RUNDC3B: variants seen among roughly 807,000 people sequenced by gnomAD.
RUNDC3B encodes the protein RUN domain-containing protein 3B.
In RUNDC3B, 33 loss-of-function variants were observed where a neutral mutation model predicts 58.4. The ratio of observed to expected loss-of-function variants is 0.56; its 90% confidence interval spans 0.43 to 0.75. The LOEUF is 0.75. RUNDC3B is among the 30% of genes least tolerant of loss of function. The pLI is 0.00. For missense variants in RUNDC3B, 501 were observed against 535.7 expected, an observed-to-expected ratio of 0.94 and a Z score of 0.64; for synonymous variants, 193 against 195.2, an observed-to-expected ratio of 0.99 and a Z score of 0.10.
At chr7:87,753,402 G>A (rs1409461222) in intron 6 of RUNDC3B, among the ~76,000 whole-genome samples, 1 of 151,934 alleles carries the variant, frequency 6.6e-6, no homozygotes, top group African/African-American at 2.4e-5. Context: ...ACTTGGTGCA[G>A]AGCTGAGTTC....
chr7:87,693,850 A>C (rs2130658254), intron 2 of RUNDC3B: 1 of 1,563,152 alleles, frequency 6.4e-7, no homozygotes, highest in Middle Eastern at 1.9e-4. Context: ...GGAACTGTAA[A>C]CATGATGGCA....
chr7:87,703,525 A>G (rs1332245802), intron 3 of RUNDC3B, among the ~76,000 whole-genome samples: 1 of 152,140 alleles, frequency 6.6e-6, no homozygotes, highest in Non-Finnish European at 1.5e-5. Context: ...CCCTCCTGCC[A>G]ATCTTCAACC....
At chr7:87,818,213 A>G (rs1837186092) in intron 10 of RUNDC3B, among the ~76,000 whole-genome samples, 1 of 152,172 alleles carries the variant, frequency 6.6e-6, no homozygotes, top group Admixed American at 6.5e-5. Context: ...TTTGATATCA[A>G]CAGGACAAGA....
At chr7:87,643,931 T>G (rs1328256724) in intron 1 of RUNDC3B, among the ~76,000 whole-genome samples, 1 of 151,978 alleles carries the variant, frequency 6.6e-6, no homozygotes, top group East Asian at 1.9e-4. Flanking sequence ...CCATCTCGGC[T>G]CACTGCAACC....
At chr7:87,731,306 C>A (rs974564141) in intron 4 of RUNDC3B, among the ~76,000 whole-genome samples, 1 of 151,998 alleles carries the variant, frequency 6.6e-6, no homozygotes, top group Non-Finnish European at 1.5e-5. Context: ...TAAATTAAGG[C>A]TTATCACAAT....
At chr7:87,786,397 A>C (rs1835219135) in intron 8 of RUNDC3B, among the ~76,000 whole-genome samples, 2 of 152,082 alleles carry the variant, frequency 1.3e-5, no homozygotes, top group South Asian at 4.1e-4. Context: ...GAAAAGAATT[A>C]TGTTTACATA....
intron 6 of RUNDC3B, among the ~76,000 whole-genome samples, chr7:87,756,916 C>A (rs1009995862): frequency 6.6e-6 from 1 of 152,002 alleles, no homozygotes; most frequent in Non-Finnish European, 1.5e-5. Flanking sequence ...CCTCCAATCC[C>A]CAGACCATGA....
chr7:87,798,127 A>C (rs867077812), intron 8 of RUNDC3B, among the ~76,000 whole-genome samples: 2 of 152,142 alleles, frequency 1.3e-5, no homozygotes, highest in South Asian at 2.1e-4. Context: ...GGCAAGCCTC[A>C]ACCCCAGCAT....
intron 4 of RUNDC3B, among the ~76,000 whole-genome samples, chr7:87,714,799 C>T (rs933889794): frequency 2.0e-5 from 3 of 152,010 alleles, no homozygotes; most frequent in African/African-American, 4.8e-5. Flanking sequence ...TTTATAGGCT[C>T]TCCACAAGGG....
At chr7:87,708,443 G>A (rs2188527) in intron 3 of RUNDC3B, among the ~76,000 whole-genome samples, 15,691 of 151,988 alleles carry the variant, frequency 0.1, 1,000 homozygotes, top group African/African-American at 0.18. Context: ...AAACTAACAC[G>A]AAAAGGATGG....
chr7:87,670,100 A>G (rs945953401), intron 2 of RUNDC3B, among the ~76,000 whole-genome samples: 3 of 152,142 alleles, frequency 2.0e-5, no homozygotes, highest in Non-Finnish European at 2.9e-5. Flanking sequence ...CCCTTTCAGG[A>G]ATGCCAGTGA....
chr7:87,750,492 C>T (rs898265323), intron 6 of RUNDC3B, among the ~76,000 whole-genome samples: 28 of 151,956 alleles, frequency 1.8e-4, no homozygotes, highest in Non-Finnish European at 3.5e-4. Context: ...TACAGTCCCA[C>T]CAACAGTGTA....
chr7:87,638,999 A>T (rs998249223), intron 1 of RUNDC3B, among the ~76,000 whole-genome samples: 21 of 152,168 alleles, frequency 1.4e-4, no homozygotes, highest in African/African-American at 5.1e-4. Flanking sequence ...AAAAATACAA[A>T]AAATTAGCCA....
chr7:87,646,374 A>G (rs1823004556), intron 1 of RUNDC3B, among the ~76,000 whole-genome samples: 1 of 152,116 alleles, frequency 6.6e-6, no homozygotes. Flanking sequence ...ATCTTATCAG[A>G]CTGTTAAAGG....
At chr7:87,826,056 G>A (rs140399462) in intron 10 of RUNDC3B, among the ~76,000 whole-genome samples, 1 of 152,122 alleles carries the variant, frequency 6.6e-6, no homozygotes, top group Non-Finnish European at 1.5e-5. Context: ...GACTTTGAGG[G>A]ACTGTTGGGA....
chr7:87,700,052 A>G (rs1449081992), intron 2 of RUNDC3B, among the ~76,000 whole-genome samples: 2 of 151,986 alleles, frequency 1.3e-5, no homozygotes, highest in African/African-American at 4.8e-5. Flanking sequence ...TCAATTGGTG[A>G]CATTTATTAA....
At chr7:87,730,012 C>A (rs1330498103) in intron 4 of RUNDC3B, among the ~76,000 whole-genome samples, 1 of 152,190 alleles carries the variant, frequency 6.6e-6, no homozygotes, top group Non-Finnish European at 1.5e-5. Context: ...AAGGAAAGAT[C>A]CAGTCCCAGC....
At chr7:87,764,725 AT>A (rs1833887595) in intron 6 of RUNDC3B, among the ~76,000 whole-genome samples, 1 of 151,876 alleles carries the variant, frequency 6.6e-6, no homozygotes, top group Non-Finnish European at 1.5e-5. Context: ...GACACAATTA[AT>A]TTCATTCTTC....
At chr7:87,786,883 G>A (rs1026327270) in intron 8 of RUNDC3B, among the ~76,000 whole-genome samples, 5 of 152,028 alleles carry the variant, frequency 3.3e-5, no homozygotes, top group African/African-American at 1.2e-4. Context: ...TTTTGCAAAG[G>A]AAGCTTTCAG....
Sources: allele counts gnomAD v4.1 joint callset (sites outside exome capture counted in the v4.1 genomes callset), GRCh38; gene constraint gnomAD v4.1.1; transcripts MANE v1.5; gene names NCBI Gene and HGNC (gene_info 2026-07-23, HGNC 2026-07-21).